STYX: variants seen among roughly 807,000 people sequenced by gnomAD.
STYX encodes the protein serine/threonine/tyrosine-interacting protein.
In STYX, 20 loss-of-function variants were observed where a neutral mutation model predicts 42.7. The ratio of observed to expected loss-of-function variants is 0.47; its 90% CI spans 0.33 to 0.68. STYX has a LOEUF of 0.68. Ranked by LOEUF, STYX falls within the 30% of genes least tolerant of loss-of-function variation. The pLI, the probability that STYX is intolerant of heterozygous loss-of-function variation, is 0.02. For missense variants in STYX, 226 were observed against 268.5 expected (o/e 0.84, Z 1.11); for synonymous variants, 78 against 81.9 (o/e 0.95, Z 0.26).
At chr14:52,761,176 A>G (rs963757846) in intron 9 of STYX, among the ~76,000 whole-genome samples, 5 of 152,000 alleles carry the variant, frequency 3.3e-5, no homozygotes, top group African/African-American at 9.7e-5. Flanking sequence ...TAAAACTACA[A>G]AATTAGCTGG....
At chr14:52,754,913 C>CTAGCAGT (rs1424074683) in intron 4 of STYX, among the ~76,000 whole-genome samples, 1 of 152,124 alleles carries the variant, frequency 6.6e-6, no homozygotes, top group Admixed American at 6.5e-5. Context: ...GATAGTTCTA[C>CTAGCAGT]TAGCAGTGCT....
intron 1 of STYX, among the ~76,000 whole-genome samples, chr14:52,733,125 A>G (rs1880801183): frequency 6.6e-6 from 1 of 152,218 alleles, no homozygotes; most frequent in Non-Finnish European, 1.5e-5. Flanking sequence ...AGCACAAGAC[A>G]CAGAAGGACC....
At position 52,750,675 on chromosome 14, in the gene STYX, T is replaced by A; in HGVS notation, c.145-8T>A. 1 of 1,531,038 alleles carries A rather than the reference T, an allele frequency of 6.5e-7. No homozygotes were observed. The highest frequency in any genetic ancestry group is 2.1e-5 in the Admixed American group (1 of 47,490). 94.8% of individuals were successfully genotyped at this position (1,531,038 alleles called of 1,614,324 possible). ...CCCTGTCCTCCCCCTGCTTTTTTTT[T>A]TATACAGCTACCTGTACTACAGAAA... On this transcript the variant is annotated splice_region_variant and splice_polypyrimidine_tract_variant and intron_variant, in intron 3 of 10. Transcript: ENST00000354586.
intron 1 of STYX, among the ~76,000 whole-genome samples, chr14:52,736,628 C>T (rs1256952468): frequency 6.6e-6 from 1 of 152,134 alleles, no homozygotes; most frequent in Non-Finnish European, 1.5e-5. Context: ...ATTTAACATA[C>T]ATGGCTGAGG....
Position 52,759,378 on chromosome 14 carries a change from T to TC in STYX, c.432-303dup, listed in dbSNP as rs1882002225. On this transcript the variant is annotated intron_variant, in intron 8 of 10. Transcript: ENST00000354586. ...CAAGCAGTCCTCCTGTGTTGGCCTC[T>TC]CAAAGGATTGGGGTTACAGGCAAGA... Among the ~76,000 whole-genome samples, 5 of 152,212 alleles carry TC rather than the reference T, an allele frequency of 3.3e-5. No individual in the cohort carries two copies. In the South Asian group the frequency reaches 1.0e-3, roughly 32 times the overall value.
intron 4 of STYX, among the ~76,000 whole-genome samples, chr14:52,751,132 C>T (rs1005275027): frequency 6.6e-6 from 1 of 151,882 alleles, no homozygotes; most frequent in Non-Finnish European, 1.5e-5. Flanking sequence ...CTACTGTTAC[C>T]TCTTTATTGG....
chr14:52,764,944 C>T (rs1332396855), intron 9 of STYX, among the ~76,000 whole-genome samples: 1 of 152,168 alleles, frequency 6.6e-6, no homozygotes, highest in Admixed American at 6.5e-5. Context: ...GCTGGGATTA[C>T]GGGCGTGAGC....
At chr14:52,752,401 G>A (rs965335302) in intron 4 of STYX, among the ~76,000 whole-genome samples, 8 of 151,928 alleles carry the variant, frequency 5.3e-5, no homozygotes, top group Admixed American at 1.3e-4. Context: ...GGAGGCAGAG[G>A]TTTCAGTGAG....
At chr14:52,761,566 G>GTTTT (rs539782412) in intron 9 of STYX, among the ~76,000 whole-genome samples, 27 of 100,842 alleles carry the variant, frequency 2.7e-4, no homozygotes, top group South Asian at 3.9e-4. Context: ...GTAGCCAAAA[G>GTTTT]TTTTTTTTTT....
At chr14:52,751,216 TTTTAC>T (rs2139904970) in intron 4 of STYX, among the ~76,000 whole-genome samples, 1 of 152,228 alleles carries the variant, frequency 6.6e-6, no homozygotes, top group African/African-American at 2.4e-5. Flanking sequence ...TGGCTTTCTT[TTTTAC>T]TTTATATTTT....
chr14:52,759,922 G>A (rs886250096), intron 9 of STYX, among the ~76,000 whole-genome samples, 168 bp downstream of exon 9: 2 of 152,072 alleles, frequency 1.3e-5, no homozygotes, highest in African/African-American at 2.4e-5. Flanking sequence ...TCTTGGCTGG[G>A]TGTGGTGGCT....
intron 9 of STYX, among the ~76,000 whole-genome samples, chr14:52,764,182 G>A (rs867465412): frequency 3.9e-5 from 6 of 151,930 alleles, no homozygotes; most frequent in South Asian, 4.2e-4. Context: ...TAGTAGAGAC[G>A]GGGTTTCACC....
At chr14:52,755,660 C>T (rs1338364455) in intron 4 of STYX, among the ~76,000 whole-genome samples, 1 of 148,120 alleles carries the variant, frequency 6.8e-6, no homozygotes, top group East Asian at 2.0e-4. Context: ...GTGTAAAATT[C>T]AGTACAGGTG....
intron 10 of STYX, among the ~76,000 whole-genome samples, chr14:52,770,703 A>G (rs1882478344): frequency 6.6e-6 from 1 of 152,098 alleles, no homozygotes; most frequent in Non-Finnish European, 1.5e-5. Context: ...TCACATGTTT[A>G]TGGTGCCTAA....
chr14:52,762,680 A>G (rs1013628045), intron 9 of STYX, among the ~76,000 whole-genome samples: 40 of 151,922 alleles, frequency 2.6e-4, no homozygotes, highest in Admixed American at 5.9e-4. Flanking sequence ...CCATGGATCA[A>G]TTTAAATTAG....
chr14:52,745,123 GTT>G (rs34700601), intron 2 of STYX, among the ~76,000 whole-genome samples: 22 of 132,296 alleles, frequency 1.7e-4, no homozygotes, highest in East Asian at 4.4e-4. Flanking sequence ...TTTTTTTTTT[GTT>G]TTTTTTTTTT....
At position 52,755,683 on chromosome 14, in the gene STYX, GT is replaced by G. The variant is rs372975976; in HGVS notation, c.243-848del. Among the ~76,000 whole-genome samples the G allele has an allele frequency of 6.8e-3, 879 of 129,798 alleles. 9 individuals carry two copies. Among genetic ancestry groups the G allele is most frequent in the African/African-American group, 0.02 (692 of 34,834 alleles). The allele number at this position is 129,798 out of a possible 152,430, so 85.2% of individuals were successfully genotyped here. ...TTCAGTACAGGTGCTCTCTCAGCTA[GT>G]TTTTTTTTTTTTTTTTTTTCCCCTT... On this transcript the variant is annotated intron_variant, in intron 4 of 10. Coordinates refer to ENST00000354586, the MANE Select transcript of STYX (RefSeq NM_145251.4).
At chr14:52,770,979 T>C in intron 10 of STYX, 54 bp from the exon 11 acceptor site, 1 of 1,565,694 alleles carries the variant, frequency 6.4e-7, no homozygotes, top group Non-Finnish European at 8.8e-7. Flanking sequence ...TGCTGTAACC[T>C]TTTAACATGA....
intron 9 of STYX, among the ~76,000 whole-genome samples, chr14:52,760,469 T>C (rs911371829): frequency 6.6e-6 from 1 of 152,206 alleles, no homozygotes; most frequent in African/African-American, 2.4e-5. Context: ...ATGATAAGTC[T>C]ATGAATTAAC....
Sources: allele counts gnomAD v4.1 joint callset (sites outside exome capture counted in the v4.1 genomes callset), GRCh38; gene constraint gnomAD v4.1.1; transcripts MANE v1.5; gene names NCBI Gene and HGNC (gene_info 2026-07-23, HGNC 2026-07-21).